C1orf185: variants seen among roughly 807,000 people sequenced by gnomAD.
The protein encoded by C1orf185 is chromosome 1 open reading frame 185, also known as uncharacterized protein C1orf185.
C1orf185 carries 13 observed loss-of-function variants against 16.1 expected under a neutral mutation model. The observed-to-expected ratio is 0.81, with a 90% CI of 0.53 to 1.28. C1orf185 has a LOEUF of 1.28. C1orf185 is among the 50% of genes most tolerant of loss of function. The pLI is 0.00. For missense variants in C1orf185, 220 were observed against 225.2 expected (o/e 0.98, Z 0.15); for synonymous variants, 80 against 76.9 (o/e 1.04, Z -0.21).
At position 51,147,785 on chromosome 1, in the gene C1orf185, G is replaced by T; in HGVS notation, c.*14G>T. The stretch of plus-strand genomic sequence containing the variant: ...GACACTTTATGACCATCAAAAAGAT[G>T]ACTACATTAAGGGAAAATGTTCATG... On this transcript the variant is annotated 3_prime_UTR_variant, in exon 5 of 5. Transcript: ENST00000371759. 1.3e-6 allele frequency: 2 copies of T among 1,484,298 alleles called. No homozygotes were observed. Among genetic ancestry groups the T allele is most frequent in the South Asian group, 2.7e-5 (2 of 74,382 alleles). The allele number at this position is 1,484,298 out of a possible 1,614,324, so 91.9% of individuals were successfully genotyped here.
intron 3 of C1orf185, among the ~76,000 whole-genome samples, chr1:51,123,686 G>GACT (rs902560386): frequency 3.9e-5 from 6 of 152,240 alleles, no homozygotes; most frequent in African/African-American, 1.4e-4. Flanking sequence ...TGTTGTCAGT[G>GACT]TTTTGGAGTT....
intron 1 of C1orf185, among the ~76,000 whole-genome samples, chr1:51,103,298 T>C (rs1326664481): frequency 6.6e-6 from 1 of 151,512 alleles, no homozygotes; most frequent in Non-Finnish European, 1.5e-5. Context: ...CCTAGATACT[T>C]AGGAGGCTGA....
intron 3 of C1orf185, among the ~76,000 whole-genome samples, chr1:51,134,273 A>G (rs1048931646): frequency 1.3e-5 from 2 of 152,212 alleles, no homozygotes; most frequent in Non-Finnish European, 2.9e-5. Context: ...GCAGAAATCA[A>G]GAAGTTCTTT....
chr1:51,118,522 T>A, intron 2 of C1orf185, 144 bp from the exon 3 acceptor site: 1 of 477,168 alleles, frequency 2.1e-6, no homozygotes, highest in East Asian at 3.7e-5. Flanking sequence ...AGTATGTAAA[T>A]TGACTTGTGC....
At chr1:51,117,162 G>GT (rs1319119488) in intron 2 of C1orf185, among the ~76,000 whole-genome samples, 3 of 152,102 alleles carry the variant, frequency 2.0e-5, no homozygotes, top group African/African-American at 7.2e-5. Flanking sequence ...ATAAAGCCTG[G>GT]CACTTAGTAA....
At chr1:51,127,433 G>A (rs958757268) in intron 3 of C1orf185, among the ~76,000 whole-genome samples, 7 of 151,946 alleles carry the variant, frequency 4.6e-5, no homozygotes, top group African/African-American at 9.7e-5. Context: ...GACTACAGAC[G>A]CATGCCACCA....
At chr1:51,122,406 T>G (rs1646204055) in intron 3 of C1orf185, among the ~76,000 whole-genome samples, 1 of 152,206 alleles carries the variant, frequency 6.6e-6, no homozygotes, top group African/African-American at 2.4e-5. Flanking sequence ...GACAACCTAA[T>G]GGATGTGTAA....
intron 3 of C1orf185, among the ~76,000 whole-genome samples, chr1:51,135,999 C>G (rs1373679116): frequency 6.6e-6 from 1 of 152,138 alleles, no homozygotes; most frequent in Non-Finnish European, 1.5e-5. Flanking sequence ...TACTAACGTT[C>G]CTATACACCA....
At chr1:51,126,175 T>C (rs765556310) in intron 3 of C1orf185, among the ~76,000 whole-genome samples, 4 of 152,196 alleles carry the variant, frequency 2.6e-5, no homozygotes, top group Non-Finnish European at 4.4e-5. Context: ...GGGGGCCCAC[T>C]GCAACTGAGA....
chr1:51,145,458 G>A (rs1382141422), intron 3 of C1orf185, among the ~76,000 whole-genome samples: 1 of 152,104 alleles, frequency 6.6e-6, no homozygotes, highest in Non-Finnish European at 1.5e-5. Flanking sequence ...AAGTTGCTGA[G>A]GATGGAGAGA....
intron 2 of C1orf185, among the ~76,000 whole-genome samples, chr1:51,117,796 TC>T (rs758154516): frequency 3.3e-5 from 5 of 152,244 alleles, no homozygotes; most frequent in Non-Finnish European, 5.9e-5. Context: ...CTGTCTTTGA[TC>T]ATCTGAGATT....
chr1:51,134,134 A>G (rs917997106), intron 3 of C1orf185, among the ~76,000 whole-genome samples: 5 of 152,146 alleles, frequency 3.3e-5, no homozygotes, highest in East Asian at 1.9e-4. Flanking sequence ...AATCATAACA[A>G]TCTATCTCTC....
At chr1:51,142,267 T>G (rs1247404154) in intron 3 of C1orf185, among the ~76,000 whole-genome samples, 12 of 152,244 alleles carry the variant, frequency 7.9e-5, no homozygotes, top group Non-Finnish European at 1.6e-4. Context: ...TCATGTCTCT[T>G]CAGTCTTCCT....
At chr1:51,104,731 TA>T in intron 1 of C1orf185, among the ~76,000 whole-genome samples, 1 of 152,208 alleles carries the variant, frequency 6.6e-6, no homozygotes. Context: ...TAATCAGGTT[TA>T]AGACTTAATC....
chr1:51,136,253 A>G (rs535122213), intron 3 of C1orf185, among the ~76,000 whole-genome samples: 18 of 152,324 alleles, frequency 1.2e-4, no homozygotes, highest in South Asian at 4.1e-4. Flanking sequence ...TATAGATTCA[A>G]TGCTATTCCT....
At chr1:51,114,196 C>T (rs1314682174) in intron 2 of C1orf185, among the ~76,000 whole-genome samples, 1 of 152,252 alleles carries the variant, frequency 6.6e-6, no homozygotes, top group East Asian at 1.9e-4. Flanking sequence ...GAAAGGGAAA[C>T]AATCATGAAA....
chr1:51,126,123 T>C (rs1646238191), intron 3 of C1orf185, among the ~76,000 whole-genome samples: 1 of 152,218 alleles, frequency 6.6e-6, no homozygotes, highest in Non-Finnish European at 1.5e-5. Flanking sequence ...ATATCAGGCA[T>C]GATTGGTTCA....
At chr1:51,145,702 C>T in intron 3 of C1orf185, 22 bp from the exon 4 acceptor site, 3 of 1,247,202 alleles carry the variant, frequency 2.4e-6, no homozygotes, top group Non-Finnish European at 3.3e-6. Flanking sequence ...TTTTAAAACA[C>T]AAATAACTTT....
intron 1 of C1orf185, among the ~76,000 whole-genome samples, chr1:51,103,175 G>T (rs1018911955): frequency 6.6e-6 from 1 of 151,998 alleles, no homozygotes; most frequent in South Asian, 2.1e-4. Context: ...AGAGGCCGAG[G>T]TGGGAGGATC....
Sources: gnomAD v4.1 joint callset for allele counts (sites outside exome capture counted in the v4.1 genomes callset) on GRCh38, gnomAD v4.1.1 for gene constraint, MANE v1.5 for transcripts, NCBI Gene and HGNC (gene_info 2026-07-23, HGNC 2026-07-21) for gene names.